Variants in MAGI2 observed in about 807,000 individuals in gnomAD.
MAGI2 encodes membrane-associated guanylate kinase, WW and PDZ domain-containing protein 2.
Under a neutral mutation model 133.3 loss-of-function variants are expected in MAGI2, and 35 were observed. The ratio of observed to expected loss-of-function variants is 0.26; its 90% confidence interval spans 0.20 to 0.35. MAGI2 has a LOEUF of 0.35. Among genes scored for constraint, MAGI2 ranks in the 10% least tolerant of loss-of-function variants. MAGI2 has a pLI of 1.00. For synonymous variants in MAGI2, 729 were observed against 710.6 expected (o/e 1.03, Z -0.41); for missense variants, 1,636 against 1,863.4 (o/e 0.88, Z 2.25).
At chr7:78,397,171 G>A (rs1583882258) in intron 6 of MAGI2, among the ~76,000 whole-genome samples, 2 of 151,836 alleles carry the variant, frequency 1.3e-5, no homozygotes, top group South Asian at 4.2e-4. Context: ...GGCCTTAGAA[G>A]CCTTACTTTT....
intron 3 of MAGI2, among the ~76,000 whole-genome samples, chr7:78,592,916 C>G (rs1408337827): frequency 6.9e-6 from 1 of 145,686 alleles, no homozygotes; most frequent in Non-Finnish European, 1.5e-5. Flanking sequence ...CTTACTGCAA[C>G]CTCCACCTCC....
chr7:78,078,464 C>T (rs545745346), intron 21 of MAGI2: 117 of 165,748 alleles, frequency 7.1e-4, no homozygotes, highest in African/African-American at 2.6e-3. Flanking sequence ...GCAACCATTG[C>T]GTGAACTGAA....
At chr7:78,921,089 G>T (rs1257221950) in intron 2 of MAGI2, among the ~76,000 whole-genome samples, 1 of 151,596 alleles carries the variant, frequency 6.6e-6, no homozygotes, top group Non-Finnish European at 1.5e-5. Context: ...TTATGAAGTT[G>T]ATTATAGCAT....
chr7:78,220,585 A>T (rs1788713368), intron 10 of MAGI2, among the ~76,000 whole-genome samples: 1 of 151,252 alleles, frequency 6.6e-6, no homozygotes, highest in South Asian at 2.1e-4. Context: ...GTTTTTTAAA[A>T]ATTATTTTTG....
intron 3 of MAGI2, among the ~76,000 whole-genome samples, chr7:78,545,212 CTTTTT>C (rs71085537): frequency 4.8e-5 from 4 of 83,128 alleles, no homozygotes. Context: ...TAACCTGATT[CTTTTT>C]TTTTTTTTTT....
chr7:79,315,569 T>A (rs1040262086), intron 1 of MAGI2, among the ~76,000 whole-genome samples: 1 of 152,078 alleles, frequency 6.6e-6, no homozygotes, highest in African/African-American at 2.4e-5. Flanking sequence ...TTTGGATGCA[T>A]GTTTACAAGT....
At chr7:79,001,925 G>A (rs1037785543) in intron 2 of MAGI2, among the ~76,000 whole-genome samples, 2 of 152,086 alleles carry the variant, frequency 1.3e-5, no homozygotes, top group Non-Finnish European at 2.9e-5. Flanking sequence ...GAAATCCCAT[G>A]TGATGGATGT....
At chr7:78,838,387 C>G (rs546837240) in intron 2 of MAGI2, among the ~76,000 whole-genome samples, 1 of 152,082 alleles carries the variant, frequency 6.6e-6, no homozygotes. Context: ...AGCAATTGAT[C>G]ATACATATCA....
At chr7:78,813,702 C>T (rs1175715325) in intron 2 of MAGI2, among the ~76,000 whole-genome samples, 4 of 145,174 alleles carry the variant, frequency 2.8e-5, no homozygotes, top group Non-Finnish European at 6.0e-5. Context: ...AGGAGAATGG[C>T]GTGAACCCGG....
intron 3 of MAGI2, among the ~76,000 whole-genome samples, chr7:78,599,737 G>T (rs1056780303): frequency 1.3e-5 from 2 of 152,128 alleles, no homozygotes; most frequent in African/African-American, 4.8e-5. Context: ...TAGGTCTCAG[G>T]TTCTCCCCTA....
At chr7:79,164,514 A>T in intron 1 of MAGI2, among the ~76,000 whole-genome samples, 1 of 151,982 alleles carries the variant, frequency 6.6e-6, no homozygotes, top group Non-Finnish European at 1.5e-5. Flanking sequence ...ACCTTTAAAA[A>T]GGGCTGGAGA....
chr7:79,178,555 T>C (rs1458846744), intron 1 of MAGI2, among the ~76,000 whole-genome samples: 1 of 151,542 alleles, frequency 6.6e-6, no homozygotes, highest in Admixed American at 6.6e-5. Context: ...CTACTGAAAA[T>C]ACAAAAATTA....
intron 6 of MAGI2, among the ~76,000 whole-genome samples, chr7:78,458,572 T>A (rs1481035566): frequency 6.6e-6 from 1 of 151,918 alleles, no homozygotes; most frequent in Non-Finnish European, 1.5e-5. Context: ...TTATGTTACA[T>A]GAGTAACAAA....
At chr7:79,419,711 A>T (rs1209941650) in intron 1 of MAGI2, among the ~76,000 whole-genome samples, 1 of 152,062 alleles carries the variant, frequency 6.6e-6, no homozygotes, top group South Asian at 2.1e-4. Flanking sequence ...TATTCCCATT[A>T]AGCATGGTAT....
At chr7:78,722,098 A>G (rs774402757) in intron 2 of MAGI2, among the ~76,000 whole-genome samples, 5 of 151,120 alleles carry the variant, frequency 3.3e-5, no homozygotes, top group Non-Finnish European at 5.9e-5. Flanking sequence ...AATGTTGTCA[A>G]TGAAGATTTA....
At chr7:78,497,760 C>T (rs903165630) in intron 5 of MAGI2, among the ~76,000 whole-genome samples, 3 of 146,178 alleles carry the variant, frequency 2.1e-5, no homozygotes, top group African/African-American at 8.2e-5. Flanking sequence ...ATCTATCTAT[C>T]TATCTTTCTA....
chr7:78,970,647 G>T (rs1400542442), intron 2 of MAGI2, among the ~76,000 whole-genome samples: 1 of 151,980 alleles, frequency 6.6e-6, no homozygotes, highest in Non-Finnish European at 1.5e-5. Context: ...CATAATTTTG[G>T]CAATCTGGAG....
In MAGI2 at chr7:78,638,048, A is replaced by G. The variant is rs563174643; in HGVS notation, c.419-10809T>C. Among the ~76,000 whole-genome samples the G allele has an allele frequency of 2.6e-5, 4 of 152,172 alleles. No individual in the cohort carries two copies. In the East Asian group the frequency reaches 5.8e-4, roughly 22 times the overall value. On this transcript the variant is annotated intron_variant, in intron 2 of 21. Transcript: ENST00000354212. ...CACTGCACTCAGCCTGGGAGACAGAACAAGACCCTGTTTCAAGAAAAAAAT... is the reference window on the plus strand; with the variant it reads ...CACTGCACTCAGCCTGGGAGACAGAGCAAGACCCTGTTTCAAGAAAAAAAT...
chr7:78,057,219 C>A (rs111657730), intron 21 of MAGI2, among the ~76,000 whole-genome samples: 14,618 of 152,016 alleles, frequency 0.096, 765 homozygotes, highest in African/African-American at 0.11. Context: ...CACATCCTTG[C>A]CAACACTTGT....
Sources: gnomAD v4.1 joint callset for allele counts (sites outside exome capture counted in the v4.1 genomes callset) on GRCh38, gnomAD v4.1.1 for gene constraint, MANE v1.5 for transcripts, NCBI Gene and HGNC (gene_info 2026-07-23, HGNC 2026-07-21) for gene names.